The following TLE4 variants were observed in gnomAD, a reference collection of about 807,000 sequenced individuals.
The protein encoded by TLE4 is TLE family member 4, transcriptional corepressor.
Under a neutral mutation model 92.8 loss-of-function variants are expected in TLE4, and 8 were observed. That is an observed-to-expected ratio of 0.09 (90% CI 0.05 to 0.16). The LOEUF is 0.16. TLE4 is among the 10% of genes least tolerant of loss of function. The pLI is 1.00. For missense variants in TLE4, 675 were observed against 997.6 expected, an observed-to-expected ratio of 0.68 and a Z score of 4.36; for synonymous variants, 371 against 374.1, an observed-to-expected ratio of 0.99 and a Z score of 0.10.
intron 4 of TLE4, among the ~76,000 whole-genome samples, chr9:79,598,264 A>G (rs1055288545): frequency 2.1e-5 from 3 of 143,232 alleles, no homozygotes; most frequent in African/African-American, 5.1e-5. Flanking sequence ...AAAAAAAAAG[A>G]AAAAAAAAAA....
intron 6 of TLE4, among the ~76,000 whole-genome samples, chr9:79,637,536 A>T (rs907408877): frequency 7.2e-5 from 11 of 152,122 alleles, no homozygotes; most frequent in Non-Finnish European, 1.6e-4. Context: ...CACTGATAGG[A>T]TTGTCCAGCC....
intron 4 of TLE4, among the ~76,000 whole-genome samples, chr9:79,597,353 C>G (rs1368773201): frequency 1.3e-5 from 2 of 152,134 alleles, no homozygotes; most frequent in Non-Finnish European, 2.9e-5. Flanking sequence ...TTTTTAGGGT[C>G]CCTTCTCTGA....
intron 4 of TLE4, among the ~76,000 whole-genome samples, chr9:79,593,023 A>G (rs1267361403): frequency 6.6e-6 from 1 of 152,122 alleles, no homozygotes; most frequent in Non-Finnish European, 1.5e-5. Flanking sequence ...TTTTCTCCCT[A>G]ATGTGAGGCA....
chr9:79,577,315 A>G (rs1370073729), intron 4 of TLE4, among the ~76,000 whole-genome samples: 6 of 152,218 alleles, frequency 3.9e-5, no homozygotes, highest in Non-Finnish European at 7.4e-5. Context: ...CTGTTAGACA[A>G]TAAGGCAATC....
chr9:79,693,069 C>G (rs116144314), intron 8 of TLE4, among the ~76,000 whole-genome samples: 175 of 152,304 alleles, frequency 1.1e-3, no homozygotes, highest in African/African-American at 4.0e-3. Context: ...AGACTCTACT[C>G]TCTAATCTCA....
chr9:79,632,348 T>C (rs142439350), intron 6 of TLE4, among the ~76,000 whole-genome samples: 11 of 152,316 alleles, frequency 7.2e-5, no homozygotes, highest in Middle Eastern at 3.4e-3. Flanking sequence ...ACAGTAGTGA[T>C]AGGCTAGATA....
intron 8 of TLE4, among the ~76,000 whole-genome samples, chr9:79,699,519 T>A (rs2069189738): frequency 6.6e-6 from 1 of 152,210 alleles, no homozygotes. Flanking sequence ...CCTTGACATA[T>A]TTTAGTGGTA....
chr9:79,686,643 C>T (rs536794940), intron 8 of TLE4, among the ~76,000 whole-genome samples: 113 of 152,262 alleles, frequency 7.4e-4, no homozygotes, highest in African/African-American at 2.6e-3. Context: ...CGAAGAATGC[C>T]AAGGATTGCC....
At chr9:79,672,039 G>T (rs1368147043) in intron 8 of TLE4, among the ~76,000 whole-genome samples, 2 of 142,938 alleles carry the variant, frequency 1.4e-5, no homozygotes, top group Admixed American at 1.4e-4. Context: ...AGGTGGTGGT[G>T]GGGGAGGGGG....
chr9:79,651,781 G>T (rs2134184656), intron 6 of TLE4, among the ~76,000 whole-genome samples: 1 of 152,252 alleles, frequency 6.6e-6, no homozygotes, highest in Non-Finnish European at 1.5e-5. Flanking sequence ...GTTAATTCAG[G>T]TTTTCTCTTT....
At chr9:79,628,607 A>C (rs967810148) in intron 6 of TLE4, among the ~76,000 whole-genome samples, 16 of 152,156 alleles carry the variant, frequency 1.1e-4, no homozygotes, top group African/African-American at 3.9e-4. Flanking sequence ...AAACAAAAAA[A>C]ACCTGGTAGG....
chr9:79,593,274 A>C (rs141640230), intron 4 of TLE4, among the ~76,000 whole-genome samples: 168 of 152,234 alleles, frequency 1.1e-3, no homozygotes, highest in African/African-American at 4.0e-3. Context: ...TCAGAAACAT[A>C]CGTTGCTTTA....
At chr9:79,635,577 T>G (rs947366073) in intron 6 of TLE4, among the ~76,000 whole-genome samples, 3 of 152,146 alleles carry the variant, frequency 2.0e-5, no homozygotes, top group South Asian at 4.1e-4. Context: ...GTTGAGGTTT[T>G]TTTTTTTTTT....
chr9:79,581,089 C>T lies in TLE4; in HGVS notation c.252+4912C>T, dbSNP rs535809985. 3.9e-5 allele frequency among the ~76,000 whole-genome samples: 6 copies of T among 152,254 alleles called. No homozygotes were observed. The East Asian group carries it at 5.8e-4, about 15-fold the overall frequency. ...GATAATATTCCACAATTAATGTTAACGGAGTGAAGGGTATTGGTGGTGTTT... is the reference window on the plus strand; with the variant it reads ...GATAATATTCCACAATTAATGTTAATGGAGTGAAGGGTATTGGTGGTGTTT... On this transcript the variant is annotated intron_variant, in intron 4 of 19. Transcript: ENST00000376552.
At chr9:79,686,032 TAATA>T (rs1461973328) in intron 8 of TLE4, among the ~76,000 whole-genome samples, 1 of 152,142 alleles carries the variant, frequency 6.6e-6, no homozygotes, top group Non-Finnish European at 1.5e-5. Flanking sequence ...ATATTATAAA[TAATA>T]GAGATGATTT....
intron 8 of TLE4, among the ~76,000 whole-genome samples, chr9:79,675,022 A>G (rs996121305): frequency 2.6e-5 from 4 of 152,180 alleles, no homozygotes; most frequent in Admixed American, 6.6e-5. Flanking sequence ...TCATGAAGAA[A>G]AAAGGGTAGT....
intron 8 of TLE4, among the ~76,000 whole-genome samples, chr9:79,655,513 A>G (rs1168543453): frequency 3.3e-5 from 5 of 152,170 alleles, no homozygotes; most frequent in Non-Finnish European, 7.4e-5. Context: ...CCCTTCAAGA[A>G]TCTTTGTAAT....
intron 6 of TLE4, among the ~76,000 whole-genome samples, chr9:79,638,052 G>A (rs2056343372): frequency 6.6e-6 from 1 of 152,106 alleles, no homozygotes; most frequent in Non-Finnish European, 1.5e-5. Flanking sequence ...ACACATTCTA[G>A]GATGGTTGTT....
chr9:79,687,168 G>T (rs1482452087), intron 8 of TLE4, among the ~76,000 whole-genome samples: 1 of 152,140 alleles, frequency 6.6e-6, no homozygotes, highest in African/African-American at 2.4e-5. Flanking sequence ...CTTCTCCCCC[G>T]AATCGTAATT....
Sources: allele counts gnomAD v4.1 joint callset (sites outside exome capture counted in the v4.1 genomes callset), GRCh38; gene constraint gnomAD v4.1.1; transcripts MANE v1.5; gene names NCBI Gene and HGNC (gene_info 2026-07-23, HGNC 2026-07-21).